GLIS3: variants seen among roughly 807,000 people sequenced by gnomAD.
The protein encoded by GLIS3 is GLIS family zinc finger 3.
Under a neutral mutation model 78.6 loss-of-function variants are expected in GLIS3, and 53 were observed. The ratio of observed to expected loss-of-function variants is 0.67; its 90% CI spans 0.54 to 0.85. GLIS3 has a LOEUF of 0.85. Ranked by LOEUF, GLIS3 falls within the 40% of genes least tolerant of loss-of-function variation. The probability of loss-of-function intolerance (pLI) is 0.00; values close to 1 mark genes in which losing one functional copy is unlikely to be tolerated. For synonymous variants in GLIS3, 684 were observed against 509.9 expected (o/e 1.34, Z -4.60); for missense variants, 1,703 against 1,231.1 (o/e 1.38, Z -5.74).
Position 4,282,097 on chromosome 9 carries a change from T to C in GLIS3, c.388+3941A>G, listed in dbSNP as rs115278190. ...ATTCTTCAGTCTTCAAGTCAGATGCTTGTCTGTGTAGCAATTCTTAGGCAA... is the reference window on the plus strand; with the variant it reads ...ATTCTTCAGTCTTCAAGTCAGATGCCTGTCTGTGTAGCAATTCTTAGGCAA... On this transcript the variant is annotated intron_variant, in intron 2 of 10. Transcript: ENST00000381971. Among the ~76,000 whole-genome samples the C allele has an allele frequency of 3.7e-3, 557 of 152,342 alleles. 3 individuals carry two copies. Among genetic ancestry groups the C allele is most frequent in the African/African-American group, 0.013 (532 of 41,582 alleles).
At chr9:3,845,238 C>G (rs1818957123) in intron 9 of GLIS3, among the ~76,000 whole-genome samples, 2 of 152,080 alleles carry the variant, frequency 1.3e-5, no homozygotes, top group Admixed American at 6.5e-5. Flanking sequence ...TAAGAAGACT[C>G]TATATGCAAT....
At chr9:3,881,874 T>C (rs1821753074) in intron 7 of GLIS3, among the ~76,000 whole-genome samples, 1 of 152,236 alleles carries the variant, frequency 6.6e-6, no homozygotes, top group African/African-American at 2.4e-5. Flanking sequence ...TTAAAAGCAC[T>C]TTAATGCACT....
At chr9:4,143,815 C>T (rs769604228) in intron 2 of GLIS3, among the ~76,000 whole-genome samples, 1 of 152,206 alleles carries the variant, frequency 6.6e-6, no homozygotes, top group Non-Finnish European at 1.5e-5. Context: ...TAAGTGAGAT[C>T]AGCCAGTATT....
At chr9:3,885,230 A>G (rs1280453478) in intron 7 of GLIS3, among the ~76,000 whole-genome samples, 1 of 152,218 alleles carries the variant, frequency 6.6e-6, no homozygotes, top group Non-Finnish European at 1.5e-5. Context: ...GAAGGCAAGG[A>G]AGGGTTATTC....
chr9:4,421,833 G>T, the GLIS3 span, among the ~76,000 whole-genome samples: 1 of 152,174 alleles, frequency 6.6e-6, no homozygotes, highest in Non-Finnish European at 1.5e-5. Context: ...ATTCTACTGC[G>T]GGAATTCTTA....
intron 2 of GLIS3, among the ~76,000 whole-genome samples, chr9:4,212,169 G>A (rs930414714): frequency 6.6e-6 from 1 of 152,148 alleles, no homozygotes; most frequent in African/African-American, 2.4e-5. Flanking sequence ...ATTATACCTC[G>A]ATTTTTAAAA....
intron 2 of GLIS3, among the ~76,000 whole-genome samples, chr9:4,131,465 G>C (rs1442081072): frequency 6.6e-6 from 1 of 152,156 alleles, no homozygotes; most frequent in Non-Finnish European, 1.5e-5. Flanking sequence ...CAGTGGGATA[G>C]AGCCTTCATG....
chr9:3,829,578 C>T (rs1210976388), intron 9 of GLIS3, 86 bp from the exon 10 acceptor site: 1 of 1,414,804 alleles, frequency 7.1e-7, no homozygotes. Context: ...CCTCACTCAG[C>T]CTGGCTTCCT....
Position 3,999,927 on chromosome 9 carries a change from G to A in GLIS3, c.1711-62738C>T, listed in dbSNP as rs1394809295. Among the ~76,000 whole-genome samples the A allele has an allele frequency of 5.3e-5, 8 of 152,090 alleles. No homozygotes were observed. In the East Asian group the frequency reaches 9.7e-4, roughly 18 times the overall value. ...AAAATAGAGAAATGGAAAAGAATAG[G>A]GGTCCCATAAACAGAACCATTAATA... is the stretch of plus-strand genomic sequence containing the variant. On this transcript the variant is annotated intron_variant, in intron 4 of 10. Coordinates refer to ENST00000381971, the MANE Select transcript of GLIS3 (RefSeq NM_001042413.2).
intron 6 of GLIS3, among the ~76,000 whole-genome samples, chr9:3,925,209 T>C (rs1825138057): frequency 6.6e-6 from 1 of 152,218 alleles, no homozygotes; most frequent in African/African-American, 2.4e-5. Flanking sequence ...ATCTCTATCA[T>C]TTGCAAAGGA....
intron 5 of GLIS3, among the ~76,000 whole-genome samples, chr9:3,936,063 G>A (rs1265996525): frequency 1.3e-5 from 2 of 152,172 alleles, no homozygotes; most frequent in African/African-American, 4.8e-5. Flanking sequence ...AGAAATAACA[G>A]TATCTTTTCA....
Position 3,825,591 on chromosome 9 carries a change from G to C in GLIS3, c.*2681C>G, listed in dbSNP as rs1459793224. 1 of 151,970 alleles carries C rather than the reference G, an allele frequency of 6.6e-6. No homozygotes were observed. The highest frequency in any genetic ancestry group is 1.5e-5 in the Non-Finnish European group (1 of 68,030). 9.4% of individuals were successfully genotyped at this position (151,970 alleles called of 1,614,324 possible). ...GACTTAAAAAGACCAGGACATGAAA[G>C]GGAATGATTTTTTTGAAGTTTCCAC... On this transcript the variant is annotated 3_prime_UTR_variant, in exon 11 of 11. Coordinates refer to ENST00000381971, the MANE Select transcript of GLIS3 (RefSeq NM_001042413.2).
At position 4,286,377 on chromosome 9, in the gene GLIS3, G is replaced by T; in HGVS notation, c.49C>A (p.Pro17Thr). ...SMSLHRTSGT[P>T]QGPRMVSGHH... is the part of the protein sequence containing the mutation. ...CCACTGACCATCCTAGGCCCCTGTG[G>T]GGTTCCCGATGTCCGGTGGAGACTC... The change falls in exon 2 of 11, where the codon CCA becomes ACA. Residue 17 changes from proline (P) to threonine (T), a missense_variant. Coordinates refer to ENST00000381971, the MANE Select transcript of GLIS3 (RefSeq NM_001042413.2). 2 of 1,614,190 alleles carry T rather than the reference G, an allele frequency of 1.2e-6. No homozygotes were observed. The highest frequency in any genetic ancestry group is 1.7e-6 in the Non-Finnish European group (2 of 1,180,028).
intron 7 of GLIS3, among the ~76,000 whole-genome samples, chr9:3,897,757 G>T (rs184796531): frequency 6.6e-6 from 1 of 152,288 alleles, no homozygotes; most frequent in East Asian, 1.9e-4. Flanking sequence ...GTTGTACAAG[G>T]ATGTCTTTCT....
chr9:3,918,010 C>A (rs147700411), intron 6 of GLIS3, among the ~76,000 whole-genome samples: 1 of 152,162 alleles, frequency 6.6e-6, no homozygotes, highest in African/African-American at 2.4e-5. Flanking sequence ...TGGTAAGGAA[C>A]GTCTATCAAA....
intron 6 of GLIS3, among the ~76,000 whole-genome samples, chr9:3,922,444 G>C (rs1053120840): frequency 3.9e-5 from 6 of 152,136 alleles, no homozygotes; most frequent in African/African-American, 1.2e-4. Context: ...ATGAAAGTTT[G>C]CATATGTCCT....
intron 4 of GLIS3, among the ~76,000 whole-genome samples, chr9:4,070,570 G>A (rs186209488): frequency 2.6e-4 from 40 of 152,172 alleles, no homozygotes; most frequent in African/African-American, 7.2e-4. Context: ...CAGAGCAAGC[G>A]AGAGAGAAAG....
intron 4 of GLIS3, among the ~76,000 whole-genome samples, chr9:4,015,646 G>C (rs1192878246): frequency 6.6e-6 from 1 of 152,158 alleles, no homozygotes; most frequent in Non-Finnish European, 1.5e-5. Context: ...CCAGCACTTT[G>C]GGAGGCTGTG....
At chr9:4,157,572 G>A (rs770403150) in intron 2 of GLIS3, among the ~76,000 whole-genome samples, 1 of 152,182 alleles carries the variant, frequency 6.6e-6, no homozygotes, top group South Asian at 2.1e-4. Flanking sequence ...AATCAAGTAT[G>A]TGGAAATAAT....
Sources: allele counts gnomAD v4.1 joint callset (sites outside exome capture counted in the v4.1 genomes callset), GRCh38; gene constraint gnomAD v4.1.1; transcripts MANE v1.5; gene names NCBI Gene and HGNC (gene_info 2026-07-23, HGNC 2026-07-21).